CDC5L: variants seen among roughly 807,000 people sequenced by gnomAD.
The protein encoded by CDC5L is cell division cycle 5 like, also known as cell division cycle 5-like protein.
CDC5L carries 18 observed loss-of-function variants against 104.1 expected under a neutral mutation model. The ratio of observed to expected loss-of-function variants is 0.17; its 90% CI spans 0.12 to 0.26. CDC5L has a LOEUF of 0.26. CDC5L is among the 10% of genes least tolerant of loss of function. CDC5L has a pLI of 1.00. For synonymous variants in CDC5L, 331 were observed against 322.7 expected, an observed-to-expected ratio of 1.03 and a Z score of -0.28; for missense variants, 673 against 956.9, an observed-to-expected ratio of 0.70 and a Z score of 3.91.
intron 2 of CDC5L, among the ~76,000 whole-genome samples, chr6:44,392,098 G>T (rs1303568165): frequency 6.6e-6 from 1 of 152,202 alleles, no homozygotes; most frequent in Admixed American, 6.5e-5. Context: ...TAGGACTTAA[G>T]TCCTGTTTGC....
At position 44,425,526 on chromosome 6, in the gene CDC5L, A is replaced by G. The variant is rs190181506; in HGVS notation, c.1570-577A>G. ...TGCTGGATGATTTTAGGGACCTTGA[A>G]TCTCAGGGGATTGGAGTGAGAATGA... On this transcript the variant is annotated intron_variant, in intron 11 of 15. Transcript: ENST00000371477. Among the ~76,000 whole-genome samples the G allele has an allele frequency of 8.1e-3, 1,206 of 148,594 alleles. 21 individuals are homozygous for G. Among genetic ancestry groups the G allele is most frequent in the African/African-American group, 0.028 (1,152 of 41,286 alleles).
chr6:44,404,152 ATT>A, intron 6 of CDC5L, 125 bp downstream of exon 6: 3 of 567,224 alleles, frequency 5.3e-6, no homozygotes, highest in Non-Finnish European at 5.4e-6. Context: ...TTTAAAATCA[ATT>A]TTTTTTTTGA....
chr6:44,422,636 T>C lies in CDC5L; in HGVS notation c.1242-11T>C. ...TGGCACTTCTGTTAATTGGGATTCC[T>C]GTCTTTCTAGGACTCCTTCTAATGG... On this transcript the variant is annotated splice_polypyrimidine_tract_variant and intron_variant, in intron 9 of 15. Coordinates refer to ENST00000371477, the MANE Select transcript of CDC5L (RefSeq NM_001253.4). The C allele has an allele frequency of 1.3e-6, 2 of 1,543,144 alleles. No homozygotes were observed. The highest frequency in any genetic ancestry group is 1.7e-6 in the Non-Finnish European group (2 of 1,145,688).
chr6:44,445,970 C>A, intron 15 of CDC5L, 103 bp downstream of exon 15: 1 of 886,240 alleles, frequency 1.1e-6, no homozygotes. Context: ...GAAGTTGGTA[C>A]TGTCAGGCTT....
chr6:44,402,427 C>T (rs906128435), intron 5 of CDC5L, among the ~76,000 whole-genome samples: 2 of 152,150 alleles, frequency 1.3e-5, no homozygotes, highest in Non-Finnish European at 2.9e-5. Context: ...TGCTTCAGAT[C>T]CTCTTCAGAG....
intron 1 of CDC5L, among the ~76,000 whole-genome samples, chr6:44,388,630 G>T (rs1162704840): frequency 6.7e-6 from 1 of 149,896 alleles, no homozygotes; most frequent in Non-Finnish European, 1.5e-5. Context: ...AGCACATCAT[G>T]TCTTTTCATG....
At chr6:44,403,330 TAAA>T (rs76723196) in intron 5 of CDC5L, among the ~76,000 whole-genome samples, 1 of 142,330 alleles carries the variant, frequency 7.0e-6, no homozygotes. Context: ...TTGAGTGCAT[TAAA>T]AAAAAAAAAA....
rs371164669 is a variant in CDC5L at position 44,426,121 on chromosome 6, C to G, written c.1588C>G (p.Arg530Gly). 3 of 1,601,226 alleles carry G rather than the reference C, an allele frequency of 1.9e-6. No homozygotes were observed. Among genetic ancestry groups the G allele is most frequent in the East Asian group, 2.2e-5 (1 of 44,680 alleles). ...TTTTTAGGCCATACGAGATGCAGAG[C>G]GTGTAAAGGAAATGAAACGAATGCA... Reference protein sequence around the residue: ...ARKQAIRDAERVKEMKRMHKA... With the variant: ...ARKQAIRDAEGVKEMKRMHKA... The change falls in exon 12 of 16, where the codon CGT becomes GGT. Residue 530 changes from arginine to glycine, a missense_variant. Coordinates refer to ENST00000371477, the MANE Select transcript of CDC5L (RefSeq NM_001253.4).
In CDC5L at chr6:44,408,593, A is replaced by G. The variant is rs1314273240; in HGVS notation, c.1053A>G (p.Arg351=). 2.5e-6 allele frequency: 4 copies of G among 1,609,426 alleles called. No homozygotes were observed. Among genetic ancestry groups the G allele is most frequent in the Non-Finnish European group, 3.4e-6 (4 of 1,176,758 alleles). The change falls in exon 8 of 16, where the codon AGA becomes AGG. Residue 351 remains arginine (R), a synonymous_variant. Transcript: ENST00000371477. ...TCACCAACAACAGCGTTGCTCTTAG[A>G]ACACCACGAACACCAGCTTCCCAGG... ...YNVTNNSVAL[R]TPRTPASQDR... is the part of the protein sequence containing the mutation.
rs957677165 is a variant in CDC5L, at chr6:44,438,782, A to G, written c.2092-6873A>G. 2.0e-4 allele frequency among the ~76,000 whole-genome samples: 31 copies of G among 151,904 alleles called. 1 individual carries two copies. Among genetic ancestry groups the G allele is most frequent in the African/African-American group, 7.3e-4 (30 of 41,368 alleles). ...AGTATTTTTGCATTTTGTATCCAGA[A>G]GAATTGAAGATGAGGAATTTTTTTT... On this transcript the variant is annotated intron_variant, in intron 14 of 15. Transcript: ENST00000371477.
At chr6:44,431,452 T>G (rs564990) in intron 14 of CDC5L, among the ~76,000 whole-genome samples, 43,847 of 151,830 alleles carry the variant, frequency 0.29, 8,067 homozygotes, top group East Asian at 0.74. Flanking sequence ...TGTGATCTAA[T>G]ATCAGCATCA....
At chr6:44,405,926 G>A (rs777050371) in intron 6 of CDC5L, among the ~76,000 whole-genome samples, 1 of 151,246 alleles carries the variant, frequency 6.6e-6, no homozygotes, top group Admixed American at 6.6e-5. Flanking sequence ...TTTTGAGATG[G>A]AGTCTTTCTC....
intron 11 of CDC5L, among the ~76,000 whole-genome samples, chr6:44,424,824 T>C (rs1581655859): frequency 6.6e-6 from 1 of 152,214 alleles, no homozygotes; most frequent in Non-Finnish European, 1.5e-5. Flanking sequence ...TTCTGTCAAA[T>C]TCATTATGCT....
chr6:44,414,341 G>T (rs1168820615), intron 8 of CDC5L, among the ~76,000 whole-genome samples: 2 of 151,082 alleles, frequency 1.3e-5, no homozygotes, highest in African/African-American at 4.9e-5. Context: ...GCCTCCCAAA[G>T]TGTTGGGATT....
At chr6:44,425,481 T>G (rs566584794) in intron 11 of CDC5L, among the ~76,000 whole-genome samples, 24 of 152,266 alleles carry the variant, frequency 1.6e-4, no homozygotes, top group African/African-American at 5.1e-4. Context: ...TTATGACCCC[T>G]TTCAGTAGCT....
At chr6:44,394,790 G>T (rs2153374766) in intron 4 of CDC5L, among the ~76,000 whole-genome samples, 1 of 126,958 alleles carries the variant, frequency 7.9e-6, no homozygotes, top group Non-Finnish European at 1.8e-5. Context: ...CCGGGAGGCT[G>T]GGTTTGCCAT....
chr6:44,402,391 T>C (rs1791172360), intron 5 of CDC5L, among the ~76,000 whole-genome samples: 1 of 152,250 alleles, frequency 6.6e-6, no homozygotes, highest in African/African-American at 2.4e-5. Context: ...ATTTTCTTGA[T>C]TTAATGTTTA....
chr6:44,404,394 T>G (rs935806243), intron 6 of CDC5L, among the ~76,000 whole-genome samples: 1 of 152,162 alleles, frequency 6.6e-6, no homozygotes, highest in Non-Finnish European at 1.5e-5. Flanking sequence ...CGATCCTTCT[T>G]AAAGTGTTGG....
intron 8 of CDC5L, among the ~76,000 whole-genome samples, chr6:44,415,032 CTG>C (rs1036471083): frequency 5.9e-5 from 9 of 152,122 alleles, no homozygotes; most frequent in Non-Finnish European, 1.2e-4. Context: ...GTTGTAAAGA[CTG>C]TTCTTTTCCC....
Sources: allele counts gnomAD v4.1 joint callset (sites outside exome capture counted in the v4.1 genomes callset), GRCh38; gene constraint gnomAD v4.1.1; transcripts MANE v1.5; gene names NCBI Gene and HGNC (gene_info 2026-07-23, HGNC 2026-07-21).